TMEM74: variants seen among roughly 807,000 people sequenced by gnomAD.
TMEM74 encodes transmembrane protein 74.
Under a neutral mutation model 18.1 loss-of-function variants are expected in TMEM74, and 13 were observed. The observed-to-expected ratio is 0.72, with a 90% CI of 0.47 to 1.14. The LOEUF is 1.14. Ranked by LOEUF, TMEM74 falls within the 50% of genes most tolerant of loss-of-function variation. The pLI, the probability that TMEM74 is intolerant of heterozygous loss-of-function variation, is 0.00. For synonymous variants in TMEM74, 159 were observed against 146.6 expected (o/e 1.08, Z -0.61); for missense variants, 372 against 375.9 (o/e 0.99, Z 0.09).
chr8:108,695,858 G>A (rs1186317972), intron 1 of TMEM74, among the ~76,000 whole-genome samples: 1 of 152,168 alleles, frequency 6.6e-6, no homozygotes, highest in Non-Finnish European at 1.5e-5. Flanking sequence ...CATCAGAAAT[G>A]ATAGGAAGCT....
intron 1 of TMEM74, among the ~76,000 whole-genome samples, chr8:108,724,003 C>A (rs1039805186): frequency 1.3e-5 from 2 of 152,310 alleles, no homozygotes; most frequent in Non-Finnish European, 2.9e-5. Context: ...CATGATGAGG[C>A]ATGATCCTGA....
At chr8:108,654,996 T>G (rs1405261992) in intron 2 of TMEM74, among the ~76,000 whole-genome samples, 1 of 152,192 alleles carries the variant, frequency 6.6e-6, no homozygotes, top group Non-Finnish European at 1.5e-5. Flanking sequence ...CTATAGGTTT[T>G]CAGTATGTTT....
intron 1 of TMEM74, among the ~76,000 whole-genome samples, chr8:108,679,524 CT>C (rs1813091010): frequency 6.6e-6 from 1 of 152,126 alleles, no homozygotes; most frequent in African/African-American, 2.4e-5. Flanking sequence ...TTTCATGTGT[CT>C]TTTGGCTGCA....
chr8:108,717,189 C>T (rs1327977594), intron 1 of TMEM74, among the ~76,000 whole-genome samples: 3 of 151,684 alleles, frequency 2.0e-5, no homozygotes, highest in African/African-American at 7.3e-5. Context: ...TACAAGCATG[C>T]TAAATTTTAA....
intron 1 of TMEM74, among the ~76,000 whole-genome samples, chr8:108,677,358 CAAAT>C (rs1283935370): frequency 6.6e-6 from 1 of 151,960 alleles, no homozygotes; most frequent in Admixed American, 6.6e-5. Context: ...TTAATCTTCT[CAAAT>C]AAAATATATT....
chr8:108,685,350 A>G (rs2130602521), intron 1 of TMEM74, among the ~76,000 whole-genome samples: 1 of 152,202 alleles, frequency 6.6e-6, no homozygotes, highest in South Asian at 2.1e-4. Context: ...TAGAATATTT[A>G]AGTTTTTCTA....
At chr8:108,678,766 C>A (rs888212026) in intron 1 of TMEM74, among the ~76,000 whole-genome samples, 3 of 149,038 alleles carry the variant, frequency 2.0e-5, no homozygotes, top group African/African-American at 7.4e-5. Flanking sequence ...TATTATTATA[C>A]TTTAAGTTTT....
Position 108,784,833 on chromosome 8 carries a change from C to A in TMEM74, c.266G>T (p.Gly89Val). The change falls in exon 2 of 2, where the codon GGG becomes GTG. Residue 89 changes from glycine to valine, a missense_variant. Gly to Val is a moderately radical substitution (Grantham distance 109, BLOSUM62 -3). Coordinates refer to ENST00000297459, the MANE Select transcript of TMEM74 (RefSeq NM_153015.3). ...DAFPPGLLHS[G>V]NNQITAERKV... is the part of the protein sequence containing the mutation. Reference sequence around the variant, plus strand: ...CCGTTCCGCTGTTATTTGGTTGTTCCCTGAGTGGAGAAGTCCTGGTGGAAA... The same window carrying A: ...CCGTTCCGCTGTTATTTGGTTGTTCACTGAGTGGAGAAGTCCTGGTGGAAA... The A allele has an allele frequency of 6.2e-7, 1 of 1,614,148 alleles. No individual in the cohort carries two copies. Among genetic ancestry groups the A allele is most frequent in the South Asian group, 1.1e-5 (1 of 91,074 alleles).
chr8:108,639,770 GTAT>G (rs1244929884), intron 2 of TMEM74, among the ~76,000 whole-genome samples: 1 of 152,058 alleles, frequency 6.6e-6, no homozygotes, highest in African/African-American at 2.4e-5. Context: ...TGGTCCCTAC[GTAT>G]TACAGGAAAT....
intron 1 of TMEM74, among the ~76,000 whole-genome samples, chr8:108,694,878 G>A (rs1813265380): frequency 6.6e-6 from 1 of 152,194 alleles, no homozygotes; most frequent in Non-Finnish European, 1.5e-5. Flanking sequence ...AGTGGGCGAA[G>A]CAAAGACAAA....
At chr8:108,614,118 A>G (rs1277483887) in intron 2 of TMEM74, among the ~76,000 whole-genome samples, 1 of 152,014 alleles carries the variant, frequency 6.6e-6, no homozygotes, top group Non-Finnish European at 1.5e-5. Context: ...TTAATAAAAA[A>G]GATTAAATAA....
intron 1 of TMEM74, among the ~76,000 whole-genome samples, chr8:108,753,494 G>T (rs555587209): frequency 6.6e-6 from 1 of 152,174 alleles, no homozygotes; most frequent in East Asian, 1.9e-4. Context: ...GAGGCTATGT[G>T]CCCTTTGGAT....
At chr8:108,607,111 T>A (rs918314620) in exon 4 of TMEM74, 20 of 152,184 alleles carry the variant, frequency 1.3e-4, no homozygotes, top group African/African-American at 4.8e-4. Flanking sequence ...GTAATCACAT[T>A]TCTTGCATGT....
chr8:108,751,918 T>C (rs1813907362), intron 1 of TMEM74, among the ~76,000 whole-genome samples: 1 of 152,112 alleles, frequency 6.6e-6, no homozygotes, highest in Non-Finnish European at 1.5e-5. Flanking sequence ...GGAAGAGGAA[T>C]GCAGGGAACT....
chr8:108,784,143 A>C lies in TMEM74; in HGVS notation c.*38T>G, dbSNP rs764301669. On this transcript the variant is annotated 3_prime_UTR_variant, in exon 2 of 2. Transcript: ENST00000297459. ...TAAATTAACTTTTTTCATATTATAAAATGCCAAGGCAGACTCTCAAGATAT... is the reference window on the plus strand; with the variant it reads ...TAAATTAACTTTTTTCATATTATAACATGCCAAGGCAGACTCTCAAGATAT... 3.0e-5 allele frequency: 45 copies of C among 1,478,634 alleles called. No homozygotes were observed. In the African/African-American group the frequency reaches 5.7e-4, roughly 19 times the overall value. The allele number at this position is 1,478,634 out of a possible 1,614,324, so 91.6% of individuals were successfully genotyped here.
At chr8:108,638,836 C>T (rs1812633048) in intron 2 of TMEM74, among the ~76,000 whole-genome samples, 1 of 152,132 alleles carries the variant, frequency 6.6e-6, no homozygotes, top group South Asian at 2.1e-4. Flanking sequence ...TTCACACACT[C>T]TTGCATCCAC....
At chr8:108,773,834 T>C (rs1365988278) in intron 1 of TMEM74, among the ~76,000 whole-genome samples, 1 of 152,150 alleles carries the variant, frequency 6.6e-6, no homozygotes, top group Admixed American at 6.6e-5. Context: ...AAAATGCCCG[T>C]AACCCTAGCC....
chr8:108,697,690 C>T (rs1336067529), intron 1 of TMEM74, among the ~76,000 whole-genome samples: 2 of 152,192 alleles, frequency 1.3e-5, no homozygotes, highest in African/African-American at 4.8e-5. Flanking sequence ...AGACATGAGC[C>T]ACCATCCCCA....
In TMEM74 at chr8:108,756,594, AAG is replaced by A. The variant is rs759458988; in HGVS notation, n.119+30880_119+30881del. The stretch of plus-strand genomic sequence containing the variant: ...AAAGAAAGAAAGAAAGAAAGAAAGA[AAG>A]AGAAAGGAAGGAAGGAAGGAAGGAA... On this transcript the variant is annotated intron_variant and non_coding_transcript_variant, in intron 1 of 3. Coordinates refer to the TMEM74 transcript ENST00000518838. Among the ~76,000 whole-genome samples, 154 of 83,826 alleles carry A rather than the reference AAG, an allele frequency of 1.8e-3. 2 individuals are homozygous for A. Among genetic ancestry groups the A allele is most frequent in the African/African-American group, 7.6e-3 (137 of 18,046 alleles). The allele number at this position is 83,826 out of a possible 152,430, so 55.0% of individuals were successfully genotyped here.
Sources: allele counts gnomAD v4.1 joint callset (sites outside exome capture counted in the v4.1 genomes callset), GRCh38; gene constraint gnomAD v4.1.1; transcripts MANE v1.5; gene names NCBI Gene and HGNC (gene_info 2026-07-23, HGNC 2026-07-21).